Variants in NFIA observed in about 807,000 individuals in gnomAD.
The protein encoded by NFIA is nuclear factor 1 A-type.
In NFIA, 8 loss-of-function variants were observed where a neutral mutation model predicts 62.8. The observed-to-expected ratio is 0.13, with a 90% CI of 0.07 to 0.23. The LOEUF (loss-of-function observed/expected upper bound fraction) is 0.23, where lower values mean the gene tolerates loss of function less well. Among genes scored for constraint, NFIA ranks in the 10% least tolerant of loss-of-function variants. The pLI is 1.00. For synonymous variants in NFIA, 235 were observed against 238.1 expected, an observed-to-expected ratio of 0.99 and a Z score of 0.12; for missense variants, 410 against 642.1, an observed-to-expected ratio of 0.64 and a Z score of 3.91.
chr1:61,132,351 G>C (rs1647096414), intron 2 of NFIA, among the ~76,000 whole-genome samples: 1 of 152,184 alleles, frequency 6.6e-6, no homozygotes, highest in South Asian at 2.1e-4. Context: ...TTAGATTACA[G>C]ACTTCCACCA....
chr1:61,081,594 T>C (rs1182280248), upstream of NFIA, among the ~76,000 whole-genome samples: 1 of 152,232 alleles, frequency 6.6e-6, no homozygotes, highest in East Asian at 1.9e-4. Flanking sequence ...CCACTGTTGT[T>C]TCTGAACGTG....
chr1:61,238,929 A>C (rs162878), intron 2 of NFIA, among the ~76,000 whole-genome samples: 1 of 152,152 alleles, frequency 6.6e-6, no homozygotes, highest in Non-Finnish European at 1.5e-5. Flanking sequence ...ATCAATTTTT[A>C]TACCATTTAG....
In NFIA at chr1:61,406,542, T is replaced by TGGGGGGGGGGGGGGGGGGGGGGGGGGGG; in HGVS notation, c.1255-19_1255-18insGGGGGGGGGGGGGGGGGGGGGGGGGGGG. 2.4e-6 allele frequency: 3 copies of TGGGGGGGGGGGGGGGGGGGGGGGGGGGG among 1,253,824 alleles called. No individual in the cohort carries two copies. Among genetic ancestry groups the TGGGGGGGGGGGGGGGGGGGGGGGGGGGG allele is most frequent in the East Asian group, 3.1e-5 (1 of 32,730 alleles). 77.7% of individuals were successfully genotyped at this position (1,253,824 alleles called of 1,614,324 possible). On this transcript the variant is annotated intron_variant, in intron 8 of 10. Coordinates refer to ENST00000403491, the MANE Select transcript of NFIA (RefSeq NM_001134673.4). ...TTCTTTTTCTTGTACGTGTGTTTTC[T>TGGGGGGGGGGGGGGGGGGGGGGGGGGGG]GCCCCCCCCCCCCCCACAGCCCAAT...
chr1:61,109,350 G>A (rs1440304421), intron 2 of NFIA, among the ~76,000 whole-genome samples: 1 of 151,806 alleles, frequency 6.6e-6, no homozygotes, highest in East Asian at 1.9e-4. Flanking sequence ...GGTCCCAACT[G>A]TCATTGTTCA....
At chr1:61,359,557 GTT>G (rs927606120) in intron 6 of NFIA, among the ~76,000 whole-genome samples, 30 of 152,118 alleles carry the variant, frequency 2.0e-4, no homozygotes, top group African/African-American at 7.0e-4. Flanking sequence ...TTTGCTTTTG[GTT>G]TTTTTGTTTG....
At chr1:61,155,304 T>A (rs1486359825) in intron 2 of NFIA, among the ~76,000 whole-genome samples, 2 of 152,228 alleles carry the variant, frequency 1.3e-5, no homozygotes, top group Admixed American at 6.5e-5. Flanking sequence ...TCCAGGAAAT[T>A]GTATGTTCTA....
intron 6 of NFIA, among the ~76,000 whole-genome samples, chr1:61,379,593 A>G (rs946700218): frequency 4.6e-5 from 7 of 151,226 alleles, no homozygotes; most frequent in Non-Finnish European, 8.9e-5. Context: ...TTTTTAGTAG[A>G]GATGCGGTTT....
At chr1:61,357,635 T>A (rs909107113) in intron 5 of NFIA, among the ~76,000 whole-genome samples, 10 of 152,140 alleles carry the variant, frequency 6.6e-5, no homozygotes, top group South Asian at 2.1e-4. Flanking sequence ...CTGTACCCTG[T>A]GTGTGGTTCC....
At chr1:61,214,131 C>T (rs1436590091) in intron 2 of NFIA, among the ~76,000 whole-genome samples, 10 of 152,146 alleles carry the variant, frequency 6.6e-5, no homozygotes, top group African/African-American at 1.2e-4. Context: ...TTTCTGACTA[C>T]GCCTAGGCCT....
chr1:61,371,590 G>A (rs898873145), intron 6 of NFIA, among the ~76,000 whole-genome samples: 3 of 152,086 alleles, frequency 2.0e-5, no homozygotes, highest in African/African-American at 7.2e-5. Context: ...CTGCCACTTG[G>A]CCTACTTGAT....
chr1:61,225,361 CTGCCT>C, intron 2 of NFIA, among the ~76,000 whole-genome samples: 1 of 152,072 alleles, frequency 6.6e-6, no homozygotes, highest in East Asian at 1.9e-4. Flanking sequence ...AGTGATTCTC[CTGCCT>C]CAGCCTCCTG....
intron 6 of NFIA, among the ~76,000 whole-genome samples, chr1:61,374,071 A>G (rs1664035400): frequency 6.6e-6 from 1 of 152,196 alleles, no homozygotes; most frequent in South Asian, 2.1e-4. Context: ...ATTTAGATTT[A>G]AGTAGCCACA....
chr1:61,200,805 G>A (rs188302499), intron 2 of NFIA, among the ~76,000 whole-genome samples: 16 of 152,296 alleles, frequency 1.1e-4, no homozygotes, highest in African/African-American at 1.2e-4. Flanking sequence ...TTTTAACAAT[G>A]TGTATAATGC....
At chr1:61,104,963 T>TA (rs1003320201) in intron 2 of NFIA, among the ~76,000 whole-genome samples, 3 of 151,934 alleles carry the variant, frequency 2.0e-5, no homozygotes, top group East Asian at 1.9e-4. Context: ...AATGGATTTT[T>TA]AAAAAAACTT....
At chr1:61,384,839 A>G (rs1664596103) in intron 7 of NFIA, among the ~76,000 whole-genome samples, 1 of 152,064 alleles carries the variant, frequency 6.6e-6, no homozygotes, top group South Asian at 2.1e-4. Flanking sequence ...TTAAACAAGG[A>G]TTTACTGAGT....
chr1:61,404,351 C>T, intron 8 of NFIA, 69 bp downstream of exon 8: 1 of 1,425,518 alleles, frequency 7.0e-7, no homozygotes, highest in East Asian at 2.5e-5. Flanking sequence ...AAGGGGAGAC[C>T]TTATGATCAT....
chr1:61,114,859 A>G (rs1646769969), intron 2 of NFIA, among the ~76,000 whole-genome samples: 1 of 152,222 alleles, frequency 6.6e-6, no homozygotes, highest in African/African-American at 2.4e-5. Context: ...TGGGTATTTT[A>G]ATATAATCAG....
At chr1:61,163,208 A>G (rs1649334865) in intron 2 of NFIA, among the ~76,000 whole-genome samples, 1 of 152,228 alleles carries the variant, frequency 6.6e-6, no homozygotes, top group African/African-American at 2.4e-5. Flanking sequence ...CTACATAGGA[A>G]TAAGTTGTAG....
intron 2 of NFIA, among the ~76,000 whole-genome samples, chr1:61,100,317 G>C (rs1302020729): frequency 6.6e-6 from 1 of 152,130 alleles, no homozygotes; most frequent in African/African-American, 2.4e-5. Context: ...TCTTTGGGTG[G>C]TGGTGGCATA....
Sources: allele counts gnomAD v4.1 joint callset (sites outside exome capture counted in the v4.1 genomes callset), GRCh38; gene constraint gnomAD v4.1.1; transcripts MANE v1.5; gene names NCBI Gene and HGNC (gene_info 2026-07-23, HGNC 2026-07-21).